Variants in FNTA observed in about 807,000 individuals in gnomAD.
The protein encoded by FNTA is protein farnesyltransferase/geranylgeranyltransferase type-1 subunit alpha.
In FNTA, 27 loss-of-function variants were observed where a neutral mutation model predicts 55.2. That is an observed-to-expected ratio of 0.49 (90% confidence interval 0.36 to 0.67). The LOEUF (loss-of-function observed/expected upper bound fraction) is 0.67. FNTA is among the 30% of genes least tolerant of loss of function. The pLI, the probability that FNTA is intolerant of heterozygous loss-of-function variation, is 0.00. For synonymous variants in FNTA, 176 were observed against 170.7 expected (o/e 1.03, Z -0.24); for missense variants, 422 against 464.7 (o/e 0.91, Z 0.85).
chr8:43,075,884 T>C (rs1387331835), intron 5 of FNTA, among the ~76,000 whole-genome samples: 2 of 151,674 alleles, frequency 1.3e-5, no homozygotes, highest in Non-Finnish European at 2.9e-5. Context: ...TTTTTCTTTT[T>C]TTTTTTTGGG....
chr8:43,085,456 T>G lies in FNTA; in HGVS notation c.*174T>G. 1.7e-6 allele frequency: 1 copy of G among 586,684 alleles called. No individual in the cohort carries two copies. The highest frequency in any genetic ancestry group is 3.0e-6 in the Non-Finnish European group (1 of 338,690). 36.3% of individuals were successfully genotyped at this position (586,684 alleles called of 1,614,324 possible). On this transcript the variant is annotated 3_prime_UTR_variant, in exon 9 of 9. Coordinates refer to ENST00000302279, the MANE Select transcript of FNTA (RefSeq NM_002027.3). ...GTGCTGCTGCTACTCAGACTAGCTC[T>G]AAGTAATGTGATTCTTCTAAAGCAA...
chr8:43,058,898 ATTTTAC>A (rs1810471324), intron 1 of FNTA, 188 bp from the exon 2 acceptor site: 1 of 412,486 alleles, frequency 2.4e-6, no homozygotes, highest in Non-Finnish European at 4.3e-6. Flanking sequence ...ATTTGTTTTA[ATTTTAC>A]TTTAATAGTT....
At chr8:43,063,740 A>G (rs1307570928) in intron 2 of FNTA, among the ~76,000 whole-genome samples, 1 of 152,070 alleles carries the variant, frequency 6.6e-6, no homozygotes, top group Non-Finnish European at 1.5e-5. Context: ...CTTTGGGCAT[A>G]TTTTTCAGTT....
intron 2 of FNTA, chr8:43,063,205 C>T (rs1340753900): frequency 2.2e-5 from 10 of 452,650 alleles, no homozygotes; most frequent in African/African-American, 1.6e-4. Context: ...CTCTGCCTCC[C>T]GAGTAGCTGT....
In FNTA at chr8:43,073,340, G is replaced by A. The variant is rs139091627; in HGVS notation, c.633+1033G>A. ...AAAACATAACCAGTATTTTTGAAAAGCCCCCTTAACTGGCATGCTTCTTAC... is the reference window on the plus strand; with the variant it reads ...AAAACATAACCAGTATTTTTGAAAAACCCCCTTAACTGGCATGCTTCTTAC... On this transcript the variant is annotated intron_variant, in intron 5 of 8. Coordinates refer to ENST00000302279, the MANE Select transcript of FNTA (RefSeq NM_002027.3). 3.5e-4 allele frequency: 54 copies of A among 152,236 alleles called. No homozygotes were observed. In the East Asian group the frequency reaches 8.1e-3, roughly 23 times the overall value. 9.4% of individuals were successfully genotyped at this position (152,236 alleles called of 1,614,324 possible). A position where few individuals can be genotyped will look rare whatever the true frequency, so the allele number is the denominator to read the frequency against.
At chr8:43,067,741 A>ATGGAGTCTCACGC (rs1177812416) in intron 3 of FNTA, among the ~76,000 whole-genome samples, 2 of 149,554 alleles carry the variant, frequency 1.3e-5, no homozygotes, top group South Asian at 4.2e-4. Context: ...TTTTTTTGAG[A>ATGGAGTCTCACGC]TGGAGTCTCA....
chr8:43,056,361 G>C lies in FNTA; in HGVS notation c.15G>C (p.Glu5Asp), dbSNP rs2130534745. 1 of 1,430,340 alleles carries C rather than the reference G, an allele frequency of 7.0e-7. No homozygotes were observed. Among genetic ancestry groups the C allele is most frequent in the East Asian group, 3.0e-5 (1 of 33,748 alleles). 88.6% of individuals were successfully genotyped at this position (1,430,340 alleles called of 1,614,324 possible). Residue 5 changes from glutamate (E) to aspartate (D), a missense_variant, in exon 1 of 9, where the codon GAG (glutamate) becomes GAC (aspartate). Physicochemically the swap from Glu to Asp is conservative, Grantham distance 45. Transcript: ENST00000302279. ...ACCGAGGCGAGATGGCGGCCACCGA[G>C]GGGGTCGGGGAGGCTGCGCAAGGGG... is the stretch of plus-strand genomic sequence containing the variant. The part of the protein sequence containing the change: MAAT[E>D]GVGEAAQGGE...
At chr8:43,070,618 A>G (rs982506146) in intron 4 of FNTA, among the ~76,000 whole-genome samples, 7 of 152,234 alleles carry the variant, frequency 4.6e-5, no homozygotes, top group Non-Finnish European at 7.3e-5. Context: ...TTAGCACTTC[A>G]TCACCCACTG....
chr8:43,056,865 C>T (rs925683863), intron 1 of FNTA: 1 of 154,674 alleles, frequency 6.5e-6, no homozygotes, highest in Non-Finnish European at 1.4e-5. Context: ...AGAAATTTCC[C>T]GCTCTCTTCC....
At chr8:43,080,905 T>A (rs1466720938) in intron 6 of FNTA, 2 of 152,240 alleles carry the variant, frequency 1.3e-5, no homozygotes, top group East Asian at 3.8e-4. Flanking sequence ...GGCAGATCAC[T>A]GGCTTCCTGT....
At chr8:43,056,606 A>G in intron 1 of FNTA, 60 bp downstream of exon 1, 1 of 1,129,036 alleles carries the variant, frequency 8.9e-7, no homozygotes, top group South Asian at 4.0e-5. Flanking sequence ...CGGCCCCAAG[A>G]CCCGCGGCGC....
intron 3 of FNTA, among the ~76,000 whole-genome samples, chr8:43,066,071 T>G (rs529632886): frequency 6.6e-6 from 1 of 151,430 alleles, no homozygotes; most frequent in East Asian, 1.9e-4. Flanking sequence ...CTTTCCTCTG[T>G]TTTCTTTTTC....
At chr8:43,077,479 CAG>C (rs768210850) in intron 6 of FNTA, 115 bp downstream of exon 6, 8 of 699,348 alleles carry the variant, frequency 1.1e-5, no homozygotes, top group Non-Finnish European at 1.9e-5. Context: ...TAAAAGAGGA[CAG>C]AGTACTGAGT....
chr8:43,070,098 A>G (rs1165578746), intron 4 of FNTA: 1 of 151,398 alleles, frequency 6.6e-6, no homozygotes, highest in Admixed American at 6.6e-5. Flanking sequence ...TACTAAAAAT[A>G]CAGAAATTAG....
chr8:43,080,585 C>T (rs1811002312), intron 6 of FNTA: 1 of 152,144 alleles, frequency 6.6e-6, no homozygotes, highest in African/African-American at 2.4e-5. Flanking sequence ...CCTTCCATAT[C>T]TGCAAGGTAT....
Position 43,056,557 on chromosome 8 carries a change from C to T in FNTA, c.200+11C>T. 1 of 1,400,294 alleles carries T rather than the reference C, an allele frequency of 7.1e-7. No homozygotes were observed. The highest frequency in any genetic ancestry group is 9.4e-7 in the Non-Finnish European group (1 of 1,064,820). 86.7% of individuals were successfully genotyped at this position (1,400,294 alleles called of 1,614,324 possible). Reference sequence around the variant, plus strand: ...CTATGTCCTGTACAGGTAACGCCCCCGCGGCGGCCGCGGCTCGGGACACTC... The same window carrying T: ...CTATGTCCTGTACAGGTAACGCCCCTGCGGCGGCCGCGGCTCGGGACACTC... On this transcript the variant is annotated intron_variant, in intron 1 of 8. Transcript: ENST00000302279.
At position 43,059,517 on chromosome 8, in the gene FNTA, G is replaced by C. The variant is rs528133651; in HGVS notation, c.286+340G>C. ...CAATATAAATGAGTTACTGTTTTTA[G>C]AATAAACTTTGGTTGCTGAAACATC... is the stretch of plus-strand genomic sequence containing the variant. On this transcript the variant is annotated intron_variant, in intron 2 of 8. Coordinates refer to ENST00000302279, the MANE Select transcript of FNTA (RefSeq NM_002027.3). Among the ~76,000 whole-genome samples the C allele has an allele frequency of 4.3e-4, 65 of 152,254 alleles. 1 individual carries two copies. In the South Asian group the frequency reaches 0.013, roughly 31 times the overall value.
intron 3 of FNTA, among the ~76,000 whole-genome samples, chr8:43,066,758 A>T (rs984969180): frequency 2.0e-5 from 3 of 152,314 alleles, no homozygotes; most frequent in Admixed American, 1.3e-4. Flanking sequence ...TGTGTGTGGC[A>T]GGATTTGTCA....
intron 6 of FNTA, chr8:43,081,535 A>T (rs917494675): frequency 6.6e-6 from 1 of 152,192 alleles, no homozygotes; most frequent in African/African-American, 2.4e-5. Flanking sequence ...GAAGCGAGGC[A>T]GCCTGACCTC....
Sources: allele counts gnomAD v4.1 joint callset (sites outside exome capture counted in the v4.1 genomes callset), GRCh38; gene constraint gnomAD v4.1.1; transcripts MANE v1.5; gene names NCBI Gene and HGNC (gene_info 2026-07-23, HGNC 2026-07-21).